The following ATL3 variants were observed in gnomAD, a reference collection of about 807,000 sequenced individuals.
The protein encoded by ATL3 is atlastin GTPase 3.
ATL3 carries 49 observed loss-of-function variants against 69.5 expected under a neutral mutation model. The ratio of observed to expected loss-of-function variants is 0.71; its 90% confidence interval spans 0.56 to 0.89. The LOEUF is 0.89. Ranked by LOEUF, ATL3 falls within the 40% of genes least tolerant of loss-of-function variation. ATL3 has a pLI of 0.00. For missense variants in ATL3, 606 were observed against 645.7 expected (o/e 0.94, Z 0.67); for synonymous variants, 214 against 224.1 (o/e 0.95, Z 0.40).
chr11:63,655,948 G>A (rs1279572202), intron 3 of ATL3, among the ~76,000 whole-genome samples: 1 of 152,206 alleles, frequency 6.6e-6, no homozygotes, highest in Non-Finnish European at 1.5e-5. Context: ...ACATCAGCCT[G>A]GCGCAGTGGC....
At chr11:63,671,377 G>A (rs1465813326), upstream of ATL3, 6 of 1,555,992 alleles carry the variant, frequency 3.9e-6, no homozygotes, top group East Asian at 2.6e-5. Context: ...GGGTGCAGAG[G>A]AGAGGGACGG....
intron 1 of ATL3, among the ~76,000 whole-genome samples, chr11:63,669,841 G>C (rs1940717917): frequency 6.6e-6 from 1 of 152,080 alleles, no homozygotes; most frequent in Non-Finnish European, 1.5e-5. Context: ...CCAGCTACTC[G>C]GGAGGCTGAC....
intron 11 of ATL3, chr11:63,632,802 CA>C: frequency 1.3e-6 from 1 of 754,924 alleles, no homozygotes; most frequent in Non-Finnish European, 2.3e-6. Flanking sequence ...ATGTACTTAC[CA>C]ATAAACTATT....
intron 1 of ATL3, among the ~76,000 whole-genome samples, chr11:63,662,764 G>A (rs762653965): frequency 3.9e-5 from 6 of 152,026 alleles, no homozygotes; most frequent in African/African-American, 4.8e-5. Flanking sequence ...CAGCGACACC[G>A]TACCCAGCCA....
intron 8 of ATL3, among the ~76,000 whole-genome samples, chr11:63,641,180 A>G (rs986133268): frequency 6.6e-6 from 1 of 152,206 alleles, no homozygotes; most frequent in Non-Finnish European, 1.5e-5. Context: ...CATTTTATAT[A>G]GCTCTATCTT....
At chr11:63,657,474 C>T (rs1431692088) in intron 3 of ATL3, among the ~76,000 whole-genome samples, 1 of 152,194 alleles carries the variant, frequency 6.6e-6, no homozygotes, top group Non-Finnish European at 1.5e-5. Flanking sequence ...CCCTGCTCAA[C>T]TCCCAGAACA....
chr11:63,638,733 A>T (rs1270215958), intron 8 of ATL3, among the ~76,000 whole-genome samples: 1 of 152,080 alleles, frequency 6.6e-6, no homozygotes, highest in African/African-American at 2.4e-5. Flanking sequence ...AAAACAAAAA[A>T]AAAAAAACTC....
intron 12 of ATL3, among the ~76,000 whole-genome samples, chr11:63,630,285 C>T (rs1939265101): frequency 6.6e-6 from 1 of 150,882 alleles, no homozygotes; most frequent in East Asian, 1.9e-4. Flanking sequence ...ATTAACTGGG[C>T]ATGGTGTCAG....
intron 1 of ATL3, among the ~76,000 whole-genome samples, chr11:63,667,467 T>C (rs1940610058): frequency 6.6e-6 from 1 of 151,938 alleles, no homozygotes; most frequent in Non-Finnish European, 1.5e-5. Flanking sequence ...GAGTTTAGGA[T>C]TCCTGAGAAG....
chr11:63,632,418 T>G, intron 11 of ATL3: 1 of 839,704 alleles, frequency 1.2e-6, no homozygotes, highest in South Asian at 1.3e-5. Context: ...TCCAAAGAGG[T>G]GACATTGTGA....
At chr11:63,630,427 A>C (rs1299544006) in intron 12 of ATL3, among the ~76,000 whole-genome samples, 1 of 113,954 alleles carries the variant, frequency 8.8e-6, no homozygotes, top group African/African-American at 3.7e-5. Flanking sequence ...AATCTGTCTC[A>C]AAAAAAAAAA....
chr11:63,633,435 C>T (rs1939394096), intron 10 of ATL3, among the ~76,000 whole-genome samples: 1 of 151,584 alleles, frequency 6.6e-6, no homozygotes, highest in Non-Finnish European at 1.5e-5. Flanking sequence ...TAAGACAGAG[C>T]CTCACTCTGT....
intron 10 of ATL3, among the ~76,000 whole-genome samples, chr11:63,634,787 A>G (rs1341607246): frequency 2.6e-5 from 4 of 152,180 alleles, no homozygotes; most frequent in Non-Finnish European, 5.9e-5. Flanking sequence ...CGGGAAGCTG[A>G]GGCAGGCACA....
At chr11:63,649,232 T>C (rs560437581) in intron 5 of ATL3, among the ~76,000 whole-genome samples, 135 of 152,310 alleles carry the variant, frequency 8.9e-4, no homozygotes, top group African/African-American at 3.0e-3. Flanking sequence ...ATTTACCCCA[T>C]TTTATTGGTT....
At chr11:63,661,821 G>A (rs1476677009) in intron 1 of ATL3, among the ~76,000 whole-genome samples, 7 of 151,744 alleles carry the variant, frequency 4.6e-5, no homozygotes, top group Non-Finnish European at 8.8e-5. Context: ...CCCAGTAGGT[G>A]GAGGTTGTGG....
At position 63,631,678 on chromosome 11, in the gene ATL3, A is replaced by G. The variant is rs10750999; in HGVS notation, c.1108-207T>C. ...TTAAAAAACCAGGGTGATAATATCAATTGGAAAGAGCAGTGACACTGGGAC... is the reference window on the plus strand; with the variant it reads ...TTAAAAAACCAGGGTGATAATATCAGTTGGAAAGAGCAGTGACACTGGGAC... On this transcript the variant is annotated intron_variant, in intron 11 of 12. Transcript: ENST00000398868. Among the ~76,000 whole-genome samples, 43,229 of 152,180 alleles carry G rather than the reference A, an allele frequency of 0.28. 8,187 individuals are homozygous for G. The highest frequency in any genetic ancestry group is 0.79 in the East Asian group (4,113 of 5,176).
chr11:63,635,269 T>C (rs1590720642), intron 10 of ATL3, among the ~76,000 whole-genome samples: 1 of 152,156 alleles, frequency 6.6e-6, no homozygotes, highest in Admixed American at 6.5e-5. Context: ...TATAATAAAC[T>C]GTGCTTCCCA....
chr11:63,631,189 T>G lies in ATL3; in HGVS notation c.1390A>C (p.Ile464Leu). 1 of 1,614,196 alleles carries G rather than the reference T, an allele frequency of 6.2e-7. No individual in the cohort carries two copies. Among genetic ancestry groups the G allele is most frequent in the Non-Finnish European group, 8.5e-7 (1 of 1,180,024 alleles). ...AACTGGGCTACAACCTCAAGACCTATGAAGCCAGTGAGGCCTGAGGCTATG... is the reference window on the plus strand; with the variant it reads ...AACTGGGCTACAACCTCAAGACCTAGGAAGCCAGTGAGGCCTGAGGCTATG... ...LYIASGLTGF[I>L]GLEVVAQLFN... is the part of the protein sequence containing the mutation. The change falls in exon 12 of 13, where the codon ATA becomes CTA. Residue 464 changes from isoleucine to leucine, a missense_variant. Physicochemically the swap from Ile to Leu is conservative, Grantham distance 5. Transcript: ENST00000398868.
At chr11:63,632,503 A>T (rs1939354374) in intron 11 of ATL3, 1 of 853,900 alleles carries the variant, frequency 1.2e-6, no homozygotes, top group African/African-American at 1.7e-5. Flanking sequence ...CAAAATCCTC[A>T]CCACTAGTCC....
Sources: gnomAD v4.1 joint callset for allele counts (sites outside exome capture counted in the v4.1 genomes callset) on GRCh38, gnomAD v4.1.1 for gene constraint, MANE v1.5 for transcripts, NCBI Gene and HGNC (gene_info 2026-07-23, HGNC 2026-07-21) for gene names.